ATP11C: variants seen among roughly 807,000 people sequenced by gnomAD.
The protein encoded by ATP11C is ATPase phospholipid transporting 11C (ATP11C blood group).
ATP11C carries 36 observed loss-of-function variants against 97.4 expected under a neutral mutation model. That is an observed-to-expected ratio of 0.37 (90% confidence interval 0.28 to 0.49). ATP11C has a LOEUF of 0.49. Among genes scored for constraint, ATP11C ranks in the 20% least tolerant of loss-of-function variants. ATP11C has a pLI of 0.98. For synonymous variants in ATP11C, 275 were observed against 290.9 expected, an observed-to-expected ratio of 0.95 and a Z score of 0.56; for missense variants, 730 against 824.6, an observed-to-expected ratio of 0.89 and a Z score of 1.40.
rs145840372 is a variant in ATP11C at position 139,892,616 on chromosome X, G to A, written c.27+39400C>T. ...TGTACCCATAAAAGGACTTCACAGG[G>A]GATAAACAGAGTAAGGACCAGTTTC... is the stretch of plus-strand genomic sequence containing the variant. On this transcript the variant is annotated intron_variant, in intron 1 of 29. Coordinates refer to ENST00000682941, the MANE Select transcript of ATP11C (RefSeq NM_001353812.2). Among the ~76,000 whole-genome samples the A allele has an allele frequency of 2.2e-3, 245 of 111,780 alleles. 1 individual carries two copies. Among genetic ancestry groups the A allele is most frequent in the Non-Finnish European group, 4.0e-3 (215 of 53,147 alleles).
At chrX:139,867,852 C>G (rs1469165995) in intron 1 of ATP11C, among the ~76,000 whole-genome samples, 1 of 111,816 alleles carries the variant, frequency 8.9e-6, no homozygotes, top group African/African-American at 3.3e-5. Flanking sequence ...ACAAGCTACA[C>G]TGGGGCACAT....
At chrX:139,825,621 CAT>C (rs1393749099) in intron 2 of ATP11C, among the ~76,000 whole-genome samples, 4 of 112,366 alleles carry the variant, frequency 3.6e-5, no homozygotes, top group East Asian at 2.8e-4. Context: ...CCATATTTCA[CAT>C]GTTAATCTCC....
At chrX:139,919,863 G>A (rs2085227044) in intron 1 of ATP11C, among the ~76,000 whole-genome samples, 1 of 111,881 alleles carries the variant, frequency 8.9e-6, no homozygotes, top group African/African-American at 3.3e-5. Context: ...AGGCTGCAAT[G>A]TGCCATGATG....
chrX:139,874,565 T>C (rs2084436849), intron 1 of ATP11C, among the ~76,000 whole-genome samples: 1 of 112,256 alleles, frequency 8.9e-6, no homozygotes, highest in South Asian at 3.7e-4. Flanking sequence ...TGTGGCTAGA[T>C]GCCAAAACTC....
At chrX:139,739,181 G>A (rs2081504660) in intron 27 of ATP11C, among the ~76,000 whole-genome samples, 1 of 110,757 alleles carries the variant, frequency 9.0e-6, no homozygotes, top group East Asian at 2.9e-4. Flanking sequence ...CTTGAATAAT[G>A]TTCTAGGCAG....
At chrX:139,773,172 T>C (rs771848239) in intron 19 of ATP11C, among the ~76,000 whole-genome samples, 1 of 111,615 alleles carries the variant, frequency 9.0e-6, no homozygotes, top group African/African-American at 3.3e-5. Context: ...TTCTTCCTCA[T>C]TTTTCTCTTG....
chrX:139,915,649 A>C (rs1008133837), intron 1 of ATP11C, among the ~76,000 whole-genome samples: 1 of 110,379 alleles, frequency 9.1e-6, no homozygotes, highest in Non-Finnish European at 1.9e-5. Context: ...ACAGAGCAAG[A>C]CTCTATCTCA....
chrX:139,822,427 T>TTTG (rs1569472052), intron 2 of ATP11C, among the ~76,000 whole-genome samples: 2 of 107,542 alleles, frequency 1.9e-5, no homozygotes, highest in Non-Finnish European at 3.8e-5. Flanking sequence ...TTGTTTGTTT[T>TTTG]TTTTGAGACA....
rs184154632 is a variant in ATP11C at position 139,766,007 on chromosome X, C to T, written c.2391+2253G>A. Among the ~76,000 whole-genome samples, 328 of 111,990 alleles carry T rather than the reference C, an allele frequency of 2.9e-3. 1 individual carries two copies. The highest frequency in any genetic ancestry group is 1.0e-2 in the African/African-American group (308 of 30,819). ...TTTTGAATCTAGAAATCTGGAAGTA[C>T]ACTGAGGTCAGTCATAGAAAAAGAA... On this transcript the variant is annotated intron_variant, in intron 20 of 29. Coordinates refer to ENST00000682941, the MANE Select transcript of ATP11C (RefSeq NM_001353812.2).
intron 1 of ATP11C, among the ~76,000 whole-genome samples, chrX:139,919,803 C>T (rs1431526277): frequency 9.1e-6 from 1 of 110,489 alleles, no homozygotes; most frequent in African/African-American, 3.3e-5. Flanking sequence ...CCTGTTGTCC[C>T]AGCTACTCAG....
intron 4 of ATP11C, among the ~76,000 whole-genome samples, chrX:139,816,473 G>C (rs1786350724): frequency 8.9e-6 from 1 of 111,919 alleles, no homozygotes; most frequent in Non-Finnish European, 1.9e-5. Flanking sequence ...GAAAAAACAA[G>C]AAAATTAAAG....
intron 1 of ATP11C, among the ~76,000 whole-genome samples, chrX:139,930,743 T>C (rs1461819539): frequency 8.9e-6 from 1 of 112,325 alleles, no homozygotes; most frequent in Non-Finnish European, 1.9e-5. Context: ...TGCATGTTCC[T>C]GGGTGGGGTC....
At chrX:139,756,450 T>C (rs1160467294) in intron 23 of ATP11C, among the ~76,000 whole-genome samples, 3 of 111,788 alleles carry the variant, frequency 2.7e-5, no homozygotes, top group Non-Finnish European at 5.6e-5. Flanking sequence ...AGAATTACCA[T>C]TCAACCCAGC....
Position 139,832,105 on chromosome X carries a change from C to T in ATP11C, c.28-5282G>A, listed in dbSNP as rs768909921. 5 of 1,184,988 alleles carry T rather than the reference C, an allele frequency of 4.2e-6. No homozygotes were observed. In the South Asian group the frequency reaches 7.6e-5, roughly 18 times the overall value. ...AGGAATAAAGCAGGCCCCAAGACCT[C>T]AAAACCCAACCTGGCTGAAAAGAGG... is the stretch of plus-strand genomic sequence containing the variant. On this transcript the variant is annotated intron_variant, in intron 1 of 29. Transcript: ENST00000682941.
At chrX:139,789,199 T>C (rs1239920790) in intron 13 of ATP11C, 128 bp downstream of exon 13, 2 of 482,987 alleles carry the variant, frequency 4.1e-6, no homozygotes, top group Non-Finnish European at 6.4e-6. Context: ...TGAGACTCCA[T>C]CTCAAAAAAA....
At chrX:139,872,288 G>C (rs1433918461) in intron 1 of ATP11C, among the ~76,000 whole-genome samples, 2 of 99,249 alleles carry the variant, frequency 2.0e-5, no homozygotes, top group Non-Finnish European at 4.1e-5. Context: ...AAAATGTGGG[G>C]GGGGGGAGGG....
At chrX:139,912,240 T>G (rs781156860) in intron 1 of ATP11C, among the ~76,000 whole-genome samples, 20 of 109,874 alleles carry the variant, frequency 1.8e-4, no homozygotes, top group Admixed American at 7.9e-4. Context: ...CAAACCATTT[T>G]TATAAAGCTC....
intron 24 of ATP11C, 35 bp downstream of exon 24, chrX:139,749,990 A>G: frequency 8.7e-7 from 1 of 1,148,927 alleles, no homozygotes; most frequent in South Asian, 2.0e-5. Context: ...CAACACTGAA[A>G]GTCTTAGGGG....
chrX:139,756,895 T>C (rs184192002), intron 23 of ATP11C, among the ~76,000 whole-genome samples: 52 of 83,461 alleles, frequency 6.2e-4, no homozygotes, highest in Non-Finnish European at 8.6e-4. Flanking sequence ...GGTGACAAAA[T>C]AAACTGAACA....
Sources: gnomAD v4.1 joint callset for allele counts (sites outside exome capture counted in the v4.1 genomes callset) on GRCh38, gnomAD v4.1.1 for gene constraint, MANE v1.5 for transcripts, NCBI Gene and HGNC (gene_info 2026-07-23, HGNC 2026-07-21) for gene names.